Variants in PTPRD observed in about 807,000 individuals in gnomAD.
The protein encoded by PTPRD is protein tyrosine phosphatase receptor type D.
In PTPRD, 34 loss-of-function variants were observed where a neutral mutation model predicts 214.5. That is an observed-to-expected ratio of 0.16 (90% CI 0.12 to 0.21). PTPRD has a LOEUF of 0.21. Ranked by LOEUF, PTPRD falls within the 10% of genes least tolerant of loss-of-function variation. The pLI, the probability that PTPRD is intolerant of heterozygous loss-of-function variation, is 1.00. For missense variants in PTPRD, 2,545 were observed against 2,398.7 expected (o/e 1.06, Z -1.27); for synonymous variants, 1,128 against 845.7 (o/e 1.33, Z -5.79).
At chr9:8,751,230 C>CT in intron 11 of PTPRD, among the ~76,000 whole-genome samples, 1 of 152,006 alleles carries the variant, frequency 6.6e-6, no homozygotes, top group Non-Finnish European at 1.5e-5. Flanking sequence ...GTTTAACACA[C>CT]TTTAGAATTT....
intron 11 of PTPRD, among the ~76,000 whole-genome samples, chr9:8,853,763 T>C (rs1268130335): frequency 6.6e-6 from 1 of 152,174 alleles, no homozygotes; most frequent in Non-Finnish European, 1.5e-5. Flanking sequence ...AAATCACTGA[T>C]AATATAAAAA....
intron 3 of PTPRD, among the ~76,000 whole-genome samples, chr9:10,180,604 CAAAAAAA>C (rs1288616582): frequency 1.3e-5 from 1 of 76,178 alleles, no homozygotes. Flanking sequence ...AGATAAAGTA[CAAAAAAA>C]AAAAAAAAAA....
intron 5 of PTPRD, among the ~76,000 whole-genome samples, chr9:9,767,278 G>A (rs1364280365): frequency 2.0e-5 from 3 of 151,952 alleles, no homozygotes; most frequent in Non-Finnish European, 2.9e-5. Context: ...TATAATGTTT[G>A]TTCATCAAAA....
chr9:9,553,555 C>G (rs1429992811), intron 8 of PTPRD, among the ~76,000 whole-genome samples: 1 of 151,870 alleles, frequency 6.6e-6, no homozygotes, highest in Non-Finnish European at 1.5e-5. Context: ...AAAGATCATG[C>G]TCTTTCTACA....
chr9:10,031,741 C>T (rs547231839), intron 4 of PTPRD, among the ~76,000 whole-genome samples: 6 of 150,178 alleles, frequency 4.0e-5, no homozygotes, highest in South Asian at 2.1e-4. Flanking sequence ...AGAGTTGTGC[C>T]AGCAGAGCCT....
chr9:9,085,863 G>A lies in PTPRD; in HGVS notation c.-142-67128C>T, dbSNP rs1033152017. ...CCTCTCGAATCTAGAGAAGTCTTCC[G>A]CTCAGGCTGAAATTGTCCCCAGGAA... On this transcript the variant is annotated intron_variant, in intron 10 of 45. Transcript: ENST00000381196. Among the ~76,000 whole-genome samples, 81 of 152,018 alleles carry A rather than the reference G, an allele frequency of 5.3e-4. 1 individual carries two copies. Among genetic ancestry groups the A allele is most frequent in the Admixed American group, 4.9e-3 (75 of 15,240 alleles).
At chr9:8,507,985 T>G (rs559145075) in intron 21 of PTPRD, among the ~76,000 whole-genome samples, 1 of 152,098 alleles carries the variant, frequency 6.6e-6, no homozygotes, top group African/African-American at 2.4e-5. Context: ...AGAAGAGGTG[T>G]AAGAAAGGAA....
At chr9:9,955,770 C>T (rs1453476047) in intron 4 of PTPRD, among the ~76,000 whole-genome samples, 1 of 152,158 alleles carries the variant, frequency 6.6e-6, no homozygotes, top group Admixed American at 6.5e-5. Flanking sequence ...TGATAGCCCG[C>T]CTCGGCCTCC....
chr9:9,462,294 G>A (rs897189268), intron 8 of PTPRD, among the ~76,000 whole-genome samples: 1 of 152,108 alleles, frequency 6.6e-6, no homozygotes, highest in African/African-American at 2.4e-5. Context: ...ATTTCTGGCA[G>A]TGAACTATGC....
At chr9:9,700,052 T>C (rs934658454) in intron 7 of PTPRD, among the ~76,000 whole-genome samples, 4 of 152,158 alleles carry the variant, frequency 2.6e-5, no homozygotes, top group African/African-American at 7.2e-5. Flanking sequence ...ATTCAGAATG[T>C]GAAATTCCTT....
intron 5 of PTPRD, among the ~76,000 whole-genome samples, chr9:9,897,906 G>A (rs189532598): frequency 6.6e-6 from 1 of 152,100 alleles, no homozygotes; most frequent in African/African-American, 2.4e-5. Context: ...GACGGTCTCT[G>A]TTGCAACTGT....
intron 11 of PTPRD, among the ~76,000 whole-genome samples, chr9:8,836,337 G>A (rs2097421682): frequency 6.6e-6 from 1 of 152,038 alleles, no homozygotes; most frequent in Admixed American, 6.6e-5. Flanking sequence ...AGAGCCCTTG[G>A]CACATCTCTA....
chr9:10,154,706 G>A (rs756761407), intron 3 of PTPRD, among the ~76,000 whole-genome samples: 4 of 152,032 alleles, frequency 2.6e-5, no homozygotes, highest in South Asian at 2.1e-4. Flanking sequence ...TATTGAATAG[G>A]GATCCCTTTC....
intron 36 of PTPRD, among the ~76,000 whole-genome samples, chr9:8,404,125 C>G (rs1427100136): frequency 4.6e-5 from 7 of 152,102 alleles, no homozygotes; most frequent in African/African-American, 9.7e-5. Context: ...ATCTTAATTA[C>G]TTTCTTTTTT....
intron 10 of PTPRD, among the ~76,000 whole-genome samples, chr9:9,066,968 C>T (rs912182659): frequency 1.3e-5 from 2 of 152,162 alleles, no homozygotes; most frequent in South Asian, 2.1e-4. Flanking sequence ...CCTGGCTGGG[C>T]GCCATGGCTC....
chr9:10,421,138 T>C (rs1375427877), intron 2 of PTPRD, among the ~76,000 whole-genome samples: 1 of 151,872 alleles, frequency 6.6e-6, no homozygotes, highest in Non-Finnish European at 1.5e-5. Context: ...TTGGGCTGCA[T>C]TCAAAGCCAT....
chr9:9,394,255 C>A (rs10977719), intron 9 of PTPRD, among the ~76,000 whole-genome samples: 1 of 151,952 alleles, frequency 6.6e-6, no homozygotes, highest in East Asian at 1.9e-4. Context: ...ATGCTGAGAC[C>A]TTTTAAAAAA....
intron 14 of PTPRD, among the ~76,000 whole-genome samples, chr9:8,601,411 G>A (rs56024760): frequency 0.11 from 16,464 of 152,154 alleles, 915 homozygotes; most frequent in East Asian, 0.17. Context: ...GCCAGGTAAT[G>A]GTTACAGCAG....
chr9:10,345,345 C>T (rs1396480645), intron 2 of PTPRD, among the ~76,000 whole-genome samples: 1 of 151,912 alleles, frequency 6.6e-6, no homozygotes, highest in African/African-American at 2.4e-5. Flanking sequence ...TATACACATG[C>T]CATCGTGGTT....
Sources: gnomAD v4.1 joint callset for allele counts (sites outside exome capture counted in the v4.1 genomes callset) on GRCh38, gnomAD v4.1.1 for gene constraint, MANE v1.5 for transcripts, NCBI Gene and HGNC (gene_info 2026-07-23, HGNC 2026-07-21) for gene names.